SYCP2L: variants seen among roughly 807,000 people sequenced by gnomAD.
SYCP2L encodes synaptonemal complex protein 2-like.
Under a neutral mutation model 125.8 loss-of-function variants are expected in SYCP2L, and 98 were observed. That is an observed-to-expected ratio of 0.78 (90% CI 0.66 to 0.92). The LOEUF (loss-of-function observed/expected upper bound fraction) is 0.92. Ranked by LOEUF, SYCP2L falls within the 40% of genes least tolerant of loss-of-function variation. The pLI, the probability that SYCP2L is intolerant of heterozygous loss-of-function variation, is 0.00. For synonymous variants in SYCP2L, 317 were observed against 325.4 expected (o/e 0.97, Z 0.28); for missense variants, 842 against 936.4 (o/e 0.90, Z 1.32).
intron 6 of SYCP2L, among the ~76,000 whole-genome samples, chr6:10,902,044 C>T (rs1780383161): frequency 6.6e-6 from 1 of 152,216 alleles, no homozygotes; most frequent in South Asian, 2.1e-4. Flanking sequence ...GATGCCCTGC[C>T]CTCCAGATGA....
At position 10,949,328 on chromosome 6, in the gene SYCP2L, G is replaced by T. The variant is rs563209973; in HGVS notation, c.1955-5788G>T. On this transcript the variant is annotated intron_variant, in intron 23 of 29. Transcript: ENST00000283141. ...TATTAGTGCTTTTGTTACCATCAAT[G>T]GTTAGTAGTTCTTCCTTTTTATGTA... Among the ~76,000 whole-genome samples the T allele has an allele frequency of 3.3e-5, 5 of 152,186 alleles. No homozygotes were observed. The South Asian group carries it at 1.0e-3, about 32-fold the overall frequency.
intron 29 of SYCP2L, among the ~76,000 whole-genome samples, chr6:10,966,652 A>G (rs1035068832): frequency 1.3e-5 from 2 of 152,228 alleles, no homozygotes; most frequent in African/African-American, 2.4e-5. Context: ...TTGAAAAACA[A>G]ATTAGAAAAA....
intron 23 of SYCP2L, among the ~76,000 whole-genome samples, chr6:10,947,732 C>T (rs567803745): frequency 1.3e-5 from 2 of 152,030 alleles, no homozygotes; most frequent in Non-Finnish European, 2.9e-5. Context: ...ATACTTACAT[C>T]TCTTATTTTT....
At chr6:10,942,815 G>T in intron 23 of SYCP2L, 69 bp downstream of exon 23, 1 of 1,395,562 alleles carries the variant, frequency 7.2e-7, no homozygotes, top group Admixed American at 2.2e-5. Flanking sequence ...TTGGCAGACT[G>T]GGCTGTTACT....
chr6:10,926,262 A>C (rs1780894972), intron 15 of SYCP2L, 77 bp from the exon 16 acceptor site: 2 of 1,063,972 alleles, frequency 1.9e-6, no homozygotes, highest in Non-Finnish European at 2.8e-6. Context: ...TTTTGTTCTA[A>C]GCTTTACGTT....
intron 1 of SYCP2L, among the ~76,000 whole-genome samples, chr6:10,889,997 C>T (rs1377401102): frequency 6.6e-6 from 1 of 152,306 alleles, no homozygotes; most frequent in East Asian, 1.9e-4. Context: ...TTTCATTTAG[C>T]ATAATGTCCT....
chr6:10,963,597 T>C (rs1186767044), intron 28 of SYCP2L, among the ~76,000 whole-genome samples, 185 bp from the exon 29 acceptor site: 1 of 152,210 alleles, frequency 6.6e-6, no homozygotes, highest in Admixed American at 6.5e-5. Flanking sequence ...ACAGAGAGAA[T>C]GCATAAAATG....
chr6:10,924,353 G>A (rs758330772), intron 14 of SYCP2L, 143 bp from the exon 15 acceptor site: 18 of 623,874 alleles, frequency 2.9e-5, no homozygotes, highest in Non-Finnish European at 3.5e-5. Context: ...TCAAAGTAAT[G>A]TTATTTAATA....
At chr6:10,897,888 A>G in intron 4 of SYCP2L, 123 bp from the exon 5 acceptor site, 1 of 683,516 alleles carries the variant, frequency 1.5e-6, no homozygotes, top group Non-Finnish European at 2.6e-6. Flanking sequence ...CCTCATTGAA[A>G]TGGAATGGAA....
chr6:10,926,300 T>A (rs748466987), intron 15 of SYCP2L, 39 bp from the exon 16 acceptor site: 1 of 1,459,078 alleles, frequency 6.9e-7, no homozygotes, highest in Admixed American at 1.9e-5. Context: ...TTTTTAAAGA[T>A]GACTACATTT....
chr6:10,921,413 G>A (rs1055656020), intron 14 of SYCP2L, among the ~76,000 whole-genome samples: 1 of 152,148 alleles, frequency 6.6e-6, no homozygotes, highest in South Asian at 2.1e-4. Context: ...GGATTGCTGG[G>A]TCAAATGGTA....
chr6:10,897,203 G>T (rs936105759), intron 4 of SYCP2L, among the ~76,000 whole-genome samples: 39 of 152,094 alleles, frequency 2.6e-4, no homozygotes, highest in African/African-American at 8.9e-4. Flanking sequence ...TATGAAATTG[G>T]ATATGTATTC....
At chr6:10,917,892 C>A (rs909682491) in intron 14 of SYCP2L, among the ~76,000 whole-genome samples, 2 of 152,114 alleles carry the variant, frequency 1.3e-5, no homozygotes. Flanking sequence ...TGTATCTTTC[C>A]TTCATATGTG....
chr6:10,921,564 C>T (rs1378393425), intron 14 of SYCP2L, among the ~76,000 whole-genome samples: 1 of 152,062 alleles, frequency 6.6e-6, no homozygotes, highest in Non-Finnish European at 1.5e-5. Flanking sequence ...TTAATAATAG[C>T]CATTCTGACT....
At chr6:10,894,757 G>A (rs1164249295) in intron 4 of SYCP2L, among the ~76,000 whole-genome samples, 1 of 152,200 alleles carries the variant, frequency 6.6e-6, no homozygotes, top group African/African-American at 2.4e-5. Flanking sequence ...ACGGCATCTG[G>A]AAGTAAAGCA....
intron 15 of SYCP2L, among the ~76,000 whole-genome samples, chr6:10,925,224 A>G (rs1347103330): frequency 2.0e-5 from 3 of 152,198 alleles, no homozygotes; most frequent in Admixed American, 6.5e-5. Flanking sequence ...CTGTCAGAAC[A>G]GCATGGGAAA....
chr6:10,902,589 A>T, intron 6 of SYCP2L, 88 bp from the exon 7 acceptor site: 1 of 1,091,248 alleles, frequency 9.2e-7, no homozygotes, highest in Non-Finnish European at 1.3e-6. Context: ...CCAGAACGAC[A>T]TCCTTAGTGA....
chr6:10,891,609 C>CCG lies in SYCP2L; in HGVS notation c.78+28_78+29insCG, dbSNP rs1554104115. 4 of 717,784 alleles carry CCG rather than the reference C, an allele frequency of 5.6e-6. No individual in the cohort carries two copies. The African/African-American group carries it at 9.4e-5, about 17-fold the overall frequency. 44.5% of individuals were successfully genotyped at this position (717,784 alleles called of 1,614,324 possible). A position where few individuals can be genotyped will look rare whatever the true frequency, so the allele number is the denominator to read the frequency against. ...AAAGATCAAGTTTCTTTTATAATCT[C>CCG]TCTCTGTGTGTGTGTGTGTGTGTGT... On this transcript the variant is annotated intron_variant, in intron 2 of 29. Coordinates refer to ENST00000283141, the MANE Select transcript of SYCP2L (RefSeq NM_001040274.3).
chr6:10,941,797 T>C (rs1781225643), intron 21 of SYCP2L, among the ~76,000 whole-genome samples: 1 of 152,184 alleles, frequency 6.6e-6, no homozygotes, highest in South Asian at 2.1e-4. Flanking sequence ...AGCCATCCCA[T>C]TACTGGGTAT....
Sources: gnomAD v4.1 joint callset for allele counts (sites outside exome capture counted in the v4.1 genomes callset) on GRCh38, gnomAD v4.1.1 for gene constraint, MANE v1.5 for transcripts, NCBI Gene and HGNC (gene_info 2026-07-23, HGNC 2026-07-21) for gene names.